TOPAZ1: variants seen among roughly 807,000 people sequenced by gnomAD.
TOPAZ1 encodes the protein protein TOPAZ1.
Under a neutral mutation model 172.2 loss-of-function variants are expected in TOPAZ1, and 66 were observed. That is an observed-to-expected ratio of 0.38 (90% CI 0.31 to 0.47). TOPAZ1 has a LOEUF of 0.47. Among genes scored for constraint, TOPAZ1 ranks in the 20% least tolerant of loss-of-function variants. The pLI, the probability that TOPAZ1 is intolerant of heterozygous loss-of-function variation, is 0.99. For synonymous variants in TOPAZ1, 681 were observed against 683.9 expected (o/e 1.00, Z 0.07); for missense variants, 1,822 against 1,972.4 (o/e 0.92, Z 1.44).
rs1700377240 is a variant in TOPAZ1, at chr3:44,309,755, A to G, written c.4141-70A>G. Reference sequence around the variant, plus strand: ...TTCAAACTGGATACTTGGCTTGTGAATAATTATCAGTGGCTTTGTGTGTTT... The same window carrying G: ...TTCAAACTGGATACTTGGCTTGTGAGTAATTATCAGTGGCTTTGTGTGTTT... On this transcript the variant is annotated intron_variant, in intron 15 of 19. Transcript: ENST00000309765. 5 of 1,145,666 alleles carry G rather than the reference A, an allele frequency of 4.4e-6. No homozygotes were observed. In the South Asian group the frequency reaches 8.2e-5, roughly 19 times the overall value. The allele number at this position is 1,145,666 out of a possible 1,614,324, so 71.0% of individuals were successfully genotyped here. A position where few individuals can be genotyped will look rare whatever the true frequency, so the allele number is the denominator to read the frequency against.
At chr3:44,249,395 AAAG>A (rs1451454545) in intron 2 of TOPAZ1, among the ~76,000 whole-genome samples, 3 of 152,162 alleles carry the variant, frequency 2.0e-5, no homozygotes, top group African/African-American at 7.2e-5. Context: ...TTAGATTAAC[AAAG>A]AAGAAGGAAA....
chr3:44,277,369 T>G (rs1393019910), intron 8 of TOPAZ1, among the ~76,000 whole-genome samples: 1 of 152,246 alleles, frequency 6.6e-6, no homozygotes, highest in African/African-American at 2.4e-5. Flanking sequence ...TACTGATTTA[T>G]TCATCACATC....
At chr3:44,247,326 A>G (rs1023802566) in intron 2 of TOPAZ1, among the ~76,000 whole-genome samples, 2 of 152,228 alleles carry the variant, frequency 1.3e-5, no homozygotes, top group Non-Finnish European at 2.9e-5. Context: ...TTACCACAAG[A>G]AATTAGTTTC....
At position 44,244,745 on chromosome 3, in the gene TOPAZ1, A is replaced by G. The variant is rs895817604; in HGVS notation, c.2239A>G (p.Ile747Val). Residue 747 changes from isoleucine (I) to valine (V), a missense_variant, in exon 2 of 20, where the codon ATA (isoleucine) becomes GTA (valine). Coordinates refer to ENST00000309765, the MANE Select transcript of TOPAZ1 (RefSeq NM_001145030.2). ...MMMLGPQTLSIRNSVTPVQAS... is the reference protein window; with the variant it reads ...MMMLGPQTLSVRNSVTPVQAS... ...GATGTTAGGACCTCAAACTTTGAGC[A>G]TACGAAATAGTGTAACTCCAGTGCA... 54 of 1,551,474 alleles carry G rather than the reference A, an allele frequency of 3.5e-5. No homozygotes were observed. Among genetic ancestry groups the G allele is most frequent in the Non-Finnish European group, 4.4e-5 (51 of 1,146,974 alleles).
At chr3:44,249,934 G>A (rs1699610644) in intron 2 of TOPAZ1, among the ~76,000 whole-genome samples, 1 of 152,168 alleles carries the variant, frequency 6.6e-6, no homozygotes. Context: ...GATCAGTGGG[G>A]ATCAGTTATT....
chr3:44,301,451 A>G (rs951356857), intron 12 of TOPAZ1, among the ~76,000 whole-genome samples: 6 of 152,232 alleles, frequency 3.9e-5, no homozygotes, highest in African/African-American at 9.6e-5. Context: ...GGTATTGCCA[A>G]ATTTTCCTCC....
rs541547484 is a variant in TOPAZ1 at position 44,326,009 on chromosome 3, T to C, written c.4676-2241T>C. Among the ~76,000 whole-genome samples, 16 of 152,366 alleles carry C rather than the reference T, an allele frequency of 1.1e-4. No individual in the cohort carries two copies. The South Asian group carries it at 1.7e-3, about 16-fold the overall frequency. On this transcript the variant is annotated intron_variant, in intron 18 of 19. Coordinates refer to ENST00000309765, the MANE Select transcript of TOPAZ1 (RefSeq NM_001145030.2). ...AGTGTTGTAGCATGTATCAATACTT[T>C]GTTCCTTTTTATTGCTAAACAATAT... is the stretch of plus-strand genomic sequence containing the variant.
chr3:44,318,470 C>T (rs1700474959), intron 16 of TOPAZ1, among the ~76,000 whole-genome samples: 1 of 146,280 alleles, frequency 6.8e-6, no homozygotes, highest in Admixed American at 6.9e-5. Context: ...AAAACAAAAC[C>T]CTACTGAGGG....
rs961406723 is a variant in TOPAZ1 at position 44,266,895 on chromosome 3, A to G, written c.3021-102A>G. On this transcript the variant is annotated intron_variant, in intron 5 of 19. Coordinates refer to ENST00000309765, the MANE Select transcript of TOPAZ1 (RefSeq NM_001145030.2). ...TGCTTCAATTTGTAAAAAAATAAAA[A>G]TAAAAAATTTTTTTAAAAAGAAATA... is the stretch of plus-strand genomic sequence containing the variant. The G allele has an allele frequency of 4.4e-6, 4 of 914,724 alleles. No homozygotes were observed. In the African/African-American group the frequency reaches 5.1e-5, roughly 12 times the overall value. The allele number at this position is 914,724 out of a possible 1,614,324, so 56.7% of individuals were successfully genotyped here.
chr3:44,302,973 G>A (rs1372366854), intron 12 of TOPAZ1, among the ~76,000 whole-genome samples: 4 of 152,100 alleles, frequency 2.6e-5, no homozygotes, highest in African/African-American at 9.7e-5. Flanking sequence ...CTCCCACGTA[G>A]CTGGTACTAC....
At position 44,242,336 on chromosome 3, in the gene TOPAZ1, T is replaced by C. The variant is rs1559521079; in HGVS notation, c.283T>C (p.Ser95Pro). Residue 95 changes from serine to proline, a missense_variant, in exon 1 of 20, where the codon TCA becomes CCA. This residue lies in a region of TOPAZ1 where 1,489 missense variants were observed against 1,490.8 expected (regional missense o/e 1.00). Transcript: ENST00000309765. ...RRGPVSPSDS[S>P]DPRGLEAAKE... Reference sequence around the variant, plus strand: ...GGGCCCGGTGAGCCCGTCAGACTCGTCAGACCCGCGAGGCCTAGAAGCAGC... The same window carrying C: ...GGGCCCGGTGAGCCCGTCAGACTCGCCAGACCCGCGAGGCCTAGAAGCAGC... 8.4e-6 allele frequency: 13 copies of C among 1,552,284 alleles called. No homozygotes were observed. The highest frequency in any genetic ancestry group is 1.2e-5 in the South Asian group (1 of 84,038).
intron 16 of TOPAZ1, among the ~76,000 whole-genome samples, chr3:44,314,900 C>T (rs542039129): frequency 1.3e-5 from 2 of 152,250 alleles, no homozygotes; most frequent in African/African-American, 4.8e-5. Context: ...AGACCACTGC[C>T]CTACATCACT....
At chr3:44,255,670 T>TATATACACACAC (rs1202865847) in intron 3 of TOPAZ1, among the ~76,000 whole-genome samples, 3 of 46,364 alleles carry the variant, frequency 6.5e-5, no homozygotes, top group African/African-American at 2.1e-4. Context: ...AAAATATATA[T>TATATACACACAC]ACACACACAC....
downstream of TOPAZ1, among the ~76,000 whole-genome samples, chr3:44,332,981 GT>G (rs199938960): frequency 7.5e-5 from 11 of 147,436 alleles, no homozygotes; most frequent in South Asian, 4.3e-4. Context: ...GTTTTTTGGT[GT>G]TTTTTTTGTG....
chr3:44,285,460 G>C (rs1446847951), intron 9 of TOPAZ1, among the ~76,000 whole-genome samples: 1 of 151,882 alleles, frequency 6.6e-6, no homozygotes, highest in Admixed American at 6.6e-5. Context: ...GAGCAAGACC[G>C]TGTCTCAAAA....
intron 12 of TOPAZ1, among the ~76,000 whole-genome samples, chr3:44,295,031 C>CT (rs1356484056): frequency 6.6e-6 from 1 of 152,124 alleles, no homozygotes; most frequent in Non-Finnish European, 1.5e-5. Context: ...TTATTAGTTA[C>CT]TTTTTGTTTA....
At chr3:44,308,045 G>A (rs985585479) in intron 15 of TOPAZ1, among the ~76,000 whole-genome samples, 5 of 152,188 alleles carry the variant, frequency 3.3e-5, no homozygotes, top group South Asian at 2.1e-4. Flanking sequence ...AGGCTGAGGC[G>A]GGGGCATCAC....
intron 12 of TOPAZ1, among the ~76,000 whole-genome samples, chr3:44,295,665 T>G (rs1383791166): frequency 6.6e-6 from 1 of 152,080 alleles, no homozygotes; most frequent in Non-Finnish European, 1.5e-5. Flanking sequence ...AATAAGATGA[T>G]CAATATGCCA....
chr3:44,260,752 T>G (rs1699766488), intron 4 of TOPAZ1, among the ~76,000 whole-genome samples: 1 of 152,134 alleles, frequency 6.6e-6, no homozygotes. Context: ...ATATATTTGA[T>G]TTGTTTTGCT....
Sources: allele counts gnomAD v4.1 joint callset (sites outside exome capture counted in the v4.1 genomes callset), GRCh38; gene constraint gnomAD v4.1.1; regional missense constraint gnomAD v4.1.1; transcripts MANE v1.5; gene names NCBI Gene and HGNC (gene_info 2026-07-23, HGNC 2026-07-21).